Variants in FSCN1 observed in about 807,000 individuals in gnomAD.
The protein encoded by FSCN1 is fascin actin-bundling protein 1.
Under a neutral mutation model 39.7 loss-of-function variants are expected in FSCN1, and 10 were observed. The observed-to-expected ratio is 0.25, with a 90% confidence interval of 0.16 to 0.43. FSCN1 has a LOEUF of 0.43. Among genes scored for constraint, FSCN1 ranks in the 20% least tolerant of loss-of-function variants. The pLI, the probability that FSCN1 is intolerant of heterozygous loss-of-function variation, is 1.00. For synonymous variants in FSCN1, 322 were observed against 320.0 expected (o/e 1.01, Z -0.07); for missense variants, 525 against 723.8 (o/e 0.73, Z 3.15).
chr7:5,602,014 G>A (rs1480222441), intron 1 of FSCN1, among the ~76,000 whole-genome samples: 1 of 150,252 alleles, frequency 6.7e-6, no homozygotes, highest in Non-Finnish European at 1.5e-5. Context: ...GAGTGATCTC[G>A]GCTCACTGCC....
At chr7:5,595,301 T>C (rs1383385975) in intron 1 of FSCN1, among the ~76,000 whole-genome samples, 1 of 152,214 alleles carries the variant, frequency 6.6e-6, no homozygotes, top group Non-Finnish European at 1.5e-5. Flanking sequence ...GTGAAGCTGC[T>C]TGTCATGGGT....
chr7:5,602,229 G>T (rs1310019326), intron 1 of FSCN1, among the ~76,000 whole-genome samples: 2 of 148,922 alleles, frequency 1.3e-5, no homozygotes, highest in Non-Finnish European at 3.0e-5. Flanking sequence ...TTTAAGTAGG[G>T]TCTTGCTAAG....
Position 5,593,851 on chromosome 7 carries a change from C to T in FSCN1, c.832+83C>T, listed in dbSNP as rs1785678352. On this transcript the variant is annotated intron_variant, in intron 1 of 4. Coordinates refer to ENST00000382361, the MANE Select transcript of FSCN1 (RefSeq NM_003088.4). ...GCGCCCCTCCAGCCTCCCGCCCTTT[C>T]TCGCTCGCGGCGCCGCTGCGGTCCG... 5 of 978,030 alleles carry T rather than the reference C, an allele frequency of 5.1e-6. No individual in the cohort carries two copies. In the South Asian group the frequency reaches 6.6e-5, roughly 13 times the overall value. 60.6% of individuals were successfully genotyped at this position (978,030 alleles called of 1,614,324 possible).
chr7:5,596,212 G>T (rs1785727651), intron 1 of FSCN1, among the ~76,000 whole-genome samples: 1 of 152,092 alleles, frequency 6.6e-6, no homozygotes, highest in African/African-American at 2.4e-5. Context: ...CAAGGGGGAG[G>T]CGTCTGCTTC....
At chr7:5,602,567 A>G (rs539634849) in intron 1 of FSCN1, among the ~76,000 whole-genome samples, 30 of 152,222 alleles carry the variant, frequency 2.0e-4, no homozygotes, top group East Asian at 9.6e-4. Context: ...CTGTGTTTCT[A>G]AAAAAACGAG....
Position 5,602,907 on chromosome 7 carries a change from G to T in FSCN1, c.833-350G>T. The T allele has an allele frequency of 1.1e-5, 3 of 277,158 alleles. No homozygotes were observed. In the South Asian group the frequency reaches 1.4e-4, roughly 13 times the overall value. 17.2% of individuals were successfully genotyped at this position (277,158 alleles called of 1,614,324 possible). ...GAGACGGGGGTGGGGTGGGGGTCTT[G>T]CTATGTTGCCCAGGCTGGTCTCAAA... On this transcript the variant is annotated intron_variant, in intron 1 of 4. Coordinates refer to ENST00000382361, the MANE Select transcript of FSCN1 (RefSeq NM_003088.4).
In FSCN1 at chr7:5,603,184, A is replaced by T; in HGVS notation, c.833-73A>T. Reference sequence around the variant, plus strand: ...GTTACCTTGCGTGTGTAGTTCTGTGAGCTCAGGGCTATGGTCTGCCAGAAC... The same window carrying T: ...GTTACCTTGCGTGTGTAGTTCTGTGTGCTCAGGGCTATGGTCTGCCAGAAC... On this transcript the variant is annotated intron_variant, in intron 1 of 4. Coordinates refer to ENST00000382361, the MANE Select transcript of FSCN1 (RefSeq NM_003088.4). The surrounding 1 kb of genome is among the most constrained non-coding windows in gnomAD (Gnocchi z 8.5). 1 of 1,553,314 alleles carries T rather than the reference A, an allele frequency of 6.4e-7. No individual in the cohort carries two copies. The highest frequency in any genetic ancestry group is 8.8e-7 in the Non-Finnish European group (1 of 1,138,740).
rs762600992 is a variant in FSCN1, at chr7:5,603,265, C to T, written c.841C>T (p.Leu281=). 2 of 1,612,028 alleles carry T rather than the reference C, an allele frequency of 1.2e-6. No homozygotes were observed. The highest frequency in any genetic ancestry group is 1.7e-6 in the Non-Finnish European group (2 of 1,179,940). The part of the protein sequence containing the change: ...RNVSTRQGMD[L]SANQDEETDQ... ...AGGCCTCCTCTCTGCAGGTATGGAC[C>T]TGTCTGCCAATCAGGACGAGGAGAC... Residue 281 remains leucine (L), a synonymous_variant, in exon 2 of 5, where the codon CTG becomes TTG. Coordinates refer to ENST00000382361, the MANE Select transcript of FSCN1 (RefSeq NM_003088.4). This position sits in a 1 kb window ranked among gnomAD's most constrained non-coding sequence, Gnocchi z 8.5.
chr7:5,604,117 C>T (rs1239859596), intron 4 of FSCN1, 87 bp downstream of exon 4: 1 of 1,287,064 alleles, frequency 7.8e-7, no homozygotes, highest in Admixed American at 1.9e-5. Flanking sequence ...TCTGCATCCA[C>T]ACTGGACCCT....
At chr7:5,600,151 C>T (rs1287052665) in intron 1 of FSCN1, among the ~76,000 whole-genome samples, 2 of 152,154 alleles carry the variant, frequency 1.3e-5, no homozygotes, top group African/African-American at 4.8e-5. Flanking sequence ...GTGGCTCATA[C>T]CTGTAATCCC....
intron 4 of FSCN1, among the ~76,000 whole-genome samples, chr7:5,604,396 C>T (rs1562749897): frequency 6.6e-6 from 1 of 152,066 alleles, no homozygotes; most frequent in Non-Finnish European, 1.5e-5. Context: ...GGAGGACGCG[C>T]CTCGGTTATG....
Position 5,605,387 on chromosome 7 carries a change from G to T in FSCN1, c.1395G>T (p.Val465=). ...FCDYNKVAIK[V]GGRYLKGDHA... ...ACTATAACAAGGTGGCCATCAAGGT[G>T]GGCGGGCGCTACCTGAAGGGCGACC... is the stretch of plus-strand genomic sequence containing the variant. The change falls in exon 5 of 5, where the codon GTG becomes GTT. Residue 465 remains valine, a synonymous_variant. Transcript: ENST00000382361. The surrounding 1 kb of genome is among the most constrained non-coding windows in gnomAD (Gnocchi z 6.9). 1.2e-6 allele frequency: 2 copies of T among 1,613,620 alleles called. No individual in the cohort carries two copies. The highest frequency in any genetic ancestry group is 2.2e-5 in the South Asian group (2 of 91,072).
At chr7:5,595,729 C>T (rs934921729) in intron 1 of FSCN1, among the ~76,000 whole-genome samples, 1 of 152,134 alleles carries the variant, frequency 6.6e-6, no homozygotes, top group African/African-American at 2.4e-5. Context: ...AGGTCTGGGC[C>T]ACGGGACCTT....
intron 1 of FSCN1, among the ~76,000 whole-genome samples, chr7:5,597,596 G>A (rs1486945122): frequency 6.6e-6 from 1 of 151,984 alleles, no homozygotes; most frequent in East Asian, 1.9e-4. Flanking sequence ...GAACCCGGGA[G>A]GCGGAAGTTG....
rs145145668 is a variant in FSCN1 at position 5,593,335 on chromosome 7, C to T, written c.399C>T (p.Ser133=). Residue 133 remains serine (S), a synonymous_variant, in exon 1 of 5, where the codon AGC becomes AGT. Transcript: ENST00000382361. ...CGGTGTCCCCCGCCGAGAAGTGGAGCGTGCACATCGCCATGCACCCTCAGG... is the reference window on the plus strand; with the variant it reads ...CGGTGTCCCCCGCCGAGAAGTGGAGTGTGCACATCGCCATGCACCCTCAGG... ...AQTVSPAEKW[S]VHIAMHPQVN... 3.8e-5 allele frequency: 62 copies of T among 1,611,832 alleles called. No individual in the cohort carries two copies. The highest frequency in any genetic ancestry group is 5.2e-5 in the Non-Finnish European group (61 of 1,179,618).
In FSCN1 at chr7:5,605,950, C is replaced by A. The variant is rs1785926288; in HGVS notation, c.*476C>A. The A allele has an allele frequency of 6.4e-6, 1 of 157,322 alleles. No homozygotes were observed. The highest frequency in any genetic ancestry group is 1.9e-4 in the South Asian group (1 of 5,224). The allele number at this position is 157,322 out of a possible 1,614,324, so 9.7% of individuals were successfully genotyped here. A position where few individuals can be genotyped will look rare whatever the true frequency, so the allele number is the denominator to read the frequency against. On this transcript the variant is annotated 3_prime_UTR_variant, in exon 5 of 5. Coordinates refer to ENST00000382361, the MANE Select transcript of FSCN1 (RefSeq NM_003088.4). The surrounding 1 kb of genome is among the most constrained non-coding windows in gnomAD (Gnocchi z 6.9). ...TCAGTGGCCCTCCCTGGTGCACTGT[C>A]CCCGAAACCCCTGCTTGGGAAGGGA...
chr7:5,603,712 C>T lies in FSCN1; in HGVS notation c.1111+95C>T. On this transcript the variant is annotated intron_variant, in intron 3 of 4. Transcript: ENST00000382361. The surrounding 1 kb of genome is among the most constrained non-coding windows in gnomAD (Gnocchi z 8.5). ...TTGGTAGCCCCAGCCAAGGCCTGCT[C>T]TGTGCTGGGCATCCCCCCGGACTGG... is the stretch of plus-strand genomic sequence containing the variant. 3.2e-6 allele frequency: 5 copies of T among 1,562,952 alleles called. No homozygotes were observed. The highest frequency in any genetic ancestry group is 1.7e-5 in the Admixed American group (1 of 59,046).
At chr7:5,596,510 C>T (rs778451920) in intron 1 of FSCN1, among the ~76,000 whole-genome samples, 1 of 152,098 alleles carries the variant, frequency 6.6e-6, no homozygotes, top group Non-Finnish European at 1.5e-5. Flanking sequence ...TCCCGCCATG[C>T]CCCAGGCTCC....
At chr7:5,601,793 T>C (rs1363641176) in intron 1 of FSCN1, among the ~76,000 whole-genome samples, 2 of 152,032 alleles carry the variant, frequency 1.3e-5, no homozygotes, top group African/African-American at 4.8e-5. Flanking sequence ...TGAGCTATGA[T>C]TGTGCCACTG....
Sources: allele counts gnomAD v4.1 joint callset (sites outside exome capture counted in the v4.1 genomes callset), GRCh38; gene constraint gnomAD v4.1.1; non-coding constraint Gnocchi (gnomAD v3.1); transcripts MANE v1.5; gene names NCBI Gene and HGNC (gene_info 2026-07-23, HGNC 2026-07-21).